FAM13A: variants seen among roughly 807,000 people sequenced by gnomAD.
FAM13A encodes family with sequence similarity 13 member A, also known as protein FAM13A.
In FAM13A, 76 loss-of-function variants were observed where a neutral mutation model predicts 129.6. The observed-to-expected ratio is 0.59, with a 90% CI of 0.49 to 0.71. FAM13A has a LOEUF of 0.71. FAM13A is among the 30% of genes least tolerant of loss of function. The pLI, the probability that FAM13A is intolerant of heterozygous loss-of-function variation, is 0.00. For synonymous variants in FAM13A, 443 were observed against 449.9 expected (o/e 0.98, Z 0.20); for missense variants, 1,108 against 1,249.3 (o/e 0.89, Z 1.70).
At chr4:88,844,074 G>A (rs1736263856) in intron 7 of FAM13A, among the ~76,000 whole-genome samples, 1 of 152,178 alleles carries the variant, frequency 6.6e-6, no homozygotes, top group African/African-American at 2.4e-5. Flanking sequence ...TCTGACGGTG[G>A]AATTCAAATT....
At chr4:88,912,972 CAGAAGAA>C (rs1031318116) in intron 5 of FAM13A, among the ~76,000 whole-genome samples, 20 of 148,636 alleles carry the variant, frequency 1.3e-4, no homozygotes, top group South Asian at 8.5e-4. Context: ...CAGAGCAAGA[CAGAAGAA>C]AGAAGAAAGA....
At chr4:88,744,117 TA>T (rs1316984707) in intron 19 of FAM13A, among the ~76,000 whole-genome samples, 2 of 152,212 alleles carry the variant, frequency 1.3e-5, no homozygotes, top group African/African-American at 4.8e-5. Context: ...AATTTGCATT[TA>T]AATTTGAACA....
intron 6 of FAM13A, among the ~76,000 whole-genome samples, chr4:88,878,174 C>T (rs976958280): frequency 6.6e-6 from 1 of 150,782 alleles, no homozygotes; most frequent in Non-Finnish European, 1.5e-5. Context: ...CCTGTAGTCC[C>T]AGCTACAGGA....
chr4:88,895,935 A>T (rs1340607519), intron 6 of FAM13A, among the ~76,000 whole-genome samples: 3 of 148,876 alleles, frequency 2.0e-5, no homozygotes, highest in East Asian at 3.9e-4. Flanking sequence ...TACCCAAAGG[A>T]CTATAAATCA....
At chr4:88,912,624 G>A (rs796540966) in intron 5 of FAM13A, among the ~76,000 whole-genome samples, 5 of 150,428 alleles carry the variant, frequency 3.3e-5, no homozygotes, top group African/African-American at 1.2e-4. Context: ...GTTTTCTCTG[G>A]AAAACCTTGA....
intron 6 of FAM13A, among the ~76,000 whole-genome samples, chr4:88,869,205 T>C (rs1740949213): frequency 6.6e-6 from 1 of 152,246 alleles, no homozygotes; most frequent in Admixed American, 6.5e-5. Context: ...ATTGGTTTTC[T>C]CACTTCCACT....
chr4:88,871,422 T>C (rs2904255), intron 6 of FAM13A, among the ~76,000 whole-genome samples: 33,215 of 152,000 alleles, frequency 0.22, 4,118 homozygotes, highest in South Asian at 0.49. Context: ...AATGGCTAAC[T>C]AGAATACACA....
rs554011209 is a variant in FAM13A at position 89,020,677 on chromosome 4, A to T, written c.218-8T>A. ...GACCTTCTTGGGTAAGTCCTGGAAGAGCAAAGTAGGCACAGAAAATAAATA... is the reference window on the plus strand; with the variant it reads ...GACCTTCTTGGGTAAGTCCTGGAAGTGCAAAGTAGGCACAGAAAATAAATA... On this transcript the variant is annotated splice_region_variant and splice_polypyrimidine_tract_variant and intron_variant, in intron 2 of 23. Transcript: ENST00000264344. 1.3e-6 allele frequency: 2 copies of T among 1,598,706 alleles called. No individual in the cohort carries two copies. Among genetic ancestry groups the T allele is most frequent in the African/African-American group, 2.7e-5 (2 of 74,768 alleles).
chr4:89,046,547 T>A (rs1770883863), intron 1 of FAM13A, among the ~76,000 whole-genome samples: 1 of 152,148 alleles, frequency 6.6e-6, no homozygotes, highest in Non-Finnish European at 1.5e-5. Flanking sequence ...TAATAGAAAT[T>A]TTTTAAAAAA....
intron 6 of FAM13A, among the ~76,000 whole-genome samples, chr4:88,876,270 C>T (rs1486612795): frequency 6.6e-6 from 1 of 151,834 alleles, no homozygotes; most frequent in Non-Finnish European, 1.5e-5. Flanking sequence ...TGCACATGTA[C>T]CCTAGAACTT....
chr4:88,809,704 T>G (rs1224216751), intron 7 of FAM13A, among the ~76,000 whole-genome samples: 2 of 152,108 alleles, frequency 1.3e-5, no homozygotes, highest in Non-Finnish European at 2.9e-5. Flanking sequence ...TCTCAAAACA[T>G]AAAGTGCAAC....
chr4:88,875,798 C>A (rs773225607), intron 6 of FAM13A, among the ~76,000 whole-genome samples: 5 of 152,226 alleles, frequency 3.3e-5, no homozygotes, highest in African/African-American at 7.2e-5. Flanking sequence ...TGGATATATA[C>A]CCAAAGGATT....
In FAM13A at chr4:88,946,015, T is replaced by C. The variant is rs1372591927; in HGVS notation, c.606-7774A>G. Among the ~76,000 whole-genome samples the C allele has an allele frequency of 5.1e-5, 6 of 116,916 alleles. No homozygotes were observed. The East Asian group carries it at 1.4e-3, about 28-fold the overall frequency. 76.7% of individuals were successfully genotyped at this position (116,916 alleles called of 152,430 possible). On this transcript the variant is annotated intron_variant, in intron 4 of 23. Coordinates refer to ENST00000264344, the MANE Select transcript of FAM13A (RefSeq NM_014883.4). Reference sequence around the variant, plus strand: ...GTATATATATATATATATATATATATATATATATGTAATCCAAATCAGCTG... The same window carrying C: ...GTATATATATATATATATATATATACATATATATGTAATCCAAATCAGCTG...
chr4:88,866,973 A>G (rs1740573802), intron 6 of FAM13A, among the ~76,000 whole-genome samples: 1 of 152,240 alleles, frequency 6.6e-6, no homozygotes, highest in Non-Finnish European at 1.5e-5. Context: ...CATAGAAGAT[A>G]ATATCATAAA....
chr4:89,048,606 TA>T (rs1315057832), intron 1 of FAM13A, among the ~76,000 whole-genome samples: 1 of 152,152 alleles, frequency 6.6e-6, no homozygotes, highest in Non-Finnish European at 1.5e-5. Flanking sequence ...GAGCTGTTGA[TA>T]AAACAGAAAA....
At chr4:88,869,408 A>G (rs1245160492) in intron 6 of FAM13A, among the ~76,000 whole-genome samples, 1 of 152,208 alleles carries the variant, frequency 6.6e-6, no homozygotes, top group Non-Finnish European at 1.5e-5. Context: ...ACTGGGCTTC[A>G]GCCTCCTGCA....
At chr4:88,958,639 G>A (rs545094319) in intron 4 of FAM13A, among the ~76,000 whole-genome samples, 19 of 152,338 alleles carry the variant, frequency 1.2e-4, no homozygotes, top group South Asian at 4.1e-4. Flanking sequence ...GCAGAAGCCC[G>A]CTGCAGGGGT....
At chr4:88,910,216 C>T (rs1477162239) in intron 5 of FAM13A, among the ~76,000 whole-genome samples, 1 of 152,124 alleles carries the variant, frequency 6.6e-6, no homozygotes, top group Admixed American at 6.5e-5. Flanking sequence ...AACATTTGAT[C>T]TACTTACATG....
At chr4:88,881,676 A>T (rs566003902) in intron 6 of FAM13A, among the ~76,000 whole-genome samples, 4 of 152,324 alleles carry the variant, frequency 2.6e-5, no homozygotes, top group African/African-American at 9.6e-5. Context: ...TTAATAAGCT[A>T]ATCAAGGAGG....
Sources: gnomAD v4.1 joint callset for allele counts (sites outside exome capture counted in the v4.1 genomes callset) on GRCh38, gnomAD v4.1.1 for gene constraint, MANE v1.5 for transcripts, NCBI Gene and HGNC (gene_info 2026-07-23, HGNC 2026-07-21) for gene names.